PDE5A: variants seen among roughly 807,000 people sequenced by gnomAD.
PDE5A encodes cGMP-specific 3',5'-cyclic phosphodiesterase.
In PDE5A, 67 loss-of-function variants were observed where a neutral mutation model predicts 110.2. The ratio of observed to expected loss-of-function variants is 0.61; its 90% CI spans 0.50 to 0.75. The LOEUF is 0.75. Ranked by LOEUF, PDE5A falls within the 30% of genes least tolerant of loss-of-function variation. PDE5A has a pLI of 0.00. For synonymous variants in PDE5A, 328 were observed against 351.2 expected, an observed-to-expected ratio of 0.93 and a Z score of 0.74; for missense variants, 862 against 1,045.1, an observed-to-expected ratio of 0.82 and a Z score of 2.42.
chr4:119,605,754 T>C (rs929487350), intron 2 of PDE5A, among the ~76,000 whole-genome samples: 65 of 152,230 alleles, frequency 4.3e-4, no homozygotes, highest in African/African-American at 1.5e-3. Flanking sequence ...CTCTCTATGC[T>C]ATTTATCTAT....
chr4:119,533,372 C>T (rs1430803044), intron 11 of PDE5A, among the ~76,000 whole-genome samples: 2 of 152,126 alleles, frequency 1.3e-5, no homozygotes, highest in African/African-American at 4.8e-5. Flanking sequence ...CACATTACAC[C>T]TTATGGAAGA....
intron 10 of PDE5A, 69 bp downstream of exon 10, chr4:119,542,390 G>T: frequency 7.0e-7 from 1 of 1,424,374 alleles, no homozygotes; most frequent in Non-Finnish European, 9.7e-7. Context: ...CACCATGAGT[G>T]ATTATGAGGG....
chr4:119,501,888 G>A (rs536560905), intron 19 of PDE5A, among the ~76,000 whole-genome samples: 1 of 152,168 alleles, frequency 6.6e-6, no homozygotes, highest in East Asian at 1.9e-4. Context: ...GAGGTTTGGC[G>A]GTTTATCTAT....
chr4:119,556,370 T>C (rs914162635), intron 7 of PDE5A, among the ~76,000 whole-genome samples: 1 of 152,080 alleles, frequency 6.6e-6, no homozygotes, highest in Non-Finnish European at 1.5e-5. Flanking sequence ...AAAATGTGGA[T>C]ATAATGACTG....
At chr4:119,566,636 A>C (rs995622681) in intron 4 of PDE5A, among the ~76,000 whole-genome samples, 3 of 152,206 alleles carry the variant, frequency 2.0e-5, no homozygotes, top group African/African-American at 7.2e-5. Flanking sequence ...GTCTGTGCGC[A>C]AGGCTTATAA....
At chr4:119,516,409 T>C (rs752007174) in intron 14 of PDE5A, among the ~76,000 whole-genome samples, 6 of 152,224 alleles carry the variant, frequency 3.9e-5, no homozygotes, top group Non-Finnish European at 7.3e-5. Flanking sequence ...TAACATAATT[T>C]CACTGCATTA....
At chr4:119,620,543 T>C (rs1310376032) in intron 1 of PDE5A, among the ~76,000 whole-genome samples, 4 of 152,200 alleles carry the variant, frequency 2.6e-5, no homozygotes, top group African/African-American at 9.6e-5. Flanking sequence ...CAGTTGGCTT[T>C]GCAGTTTAGA....
At chr4:119,536,354 A>G (rs1243448239) in intron 11 of PDE5A, among the ~76,000 whole-genome samples, 1 of 152,136 alleles carries the variant, frequency 6.6e-6, no homozygotes, top group Non-Finnish European at 1.5e-5. Context: ...CATTTTAGAA[A>G]TAACTTAACC....
intron 14 of PDE5A, among the ~76,000 whole-genome samples, chr4:119,513,827 G>A (rs908502412): frequency 6.6e-6 from 1 of 152,142 alleles, no homozygotes. Context: ...ATTTTTAGAC[G>A]ACGCAGAAGG....
rs1284064320 is a variant in PDE5A at position 119,525,021 on chromosome 4, TA to T, written c.1779+527del. On this transcript the variant is annotated intron_variant, in intron 12 of 20. Coordinates refer to ENST00000354960, the MANE Select transcript of PDE5A (RefSeq NM_001083.4). The surrounding 1 kb of genome is among the most constrained non-coding windows in gnomAD (Gnocchi z 4.3). ...AGCTTGGCCTCCCATCAGGCCCCTTTATTTCCTCCTTCATTTTCAAAGGAGT... is the reference window on the plus strand; with the variant it reads ...AGCTTGGCCTCCCATCAGGCCCCTTTTTTCCTCCTTCATTTTCAAAGGAGT... Among the ~76,000 whole-genome samples the T allele has an allele frequency of 3.3e-5, 5 of 152,082 alleles. No homozygotes were observed. The highest frequency in any genetic ancestry group is 7.4e-5 in the Non-Finnish European group (5 of 68,002).
chr4:119,583,872 AG>A (rs1456048634), intron 3 of PDE5A, among the ~76,000 whole-genome samples: 19 of 152,222 alleles, frequency 1.2e-4, no homozygotes, highest in African/African-American at 4.3e-4. Context: ...GTGGTAAAGC[AG>A]ATGTGTGGTC....
rs200210551 is a variant in PDE5A, at chr4:119,519,072, C to T, written c.1973G>A (p.Arg658His). 3.1e-6 allele frequency: 5 copies of T among 1,613,568 alleles called. No individual in the cohort carries two copies. The highest frequency in any genetic ancestry group is 1.7e-5 in the Admixed American group (1 of 60,012). ...CTGTATGTAAGAGTTATTCACACCA[C>T]GGTGATCCAAATCGTGGCTTAGTGC... ...IAALSHDLDH[R>H]GVNNSYIQRS... Residue 658 changes from arginine (R) to histidine (H), a missense_variant, in exon 14 of 21, where the codon CGT (arginine) becomes CAT (histidine). Arg to His is a conservative substitution (Grantham distance 29). Transcript: ENST00000354960.
chr4:119,570,533 G>A (rs962598449), intron 3 of PDE5A, among the ~76,000 whole-genome samples: 1 of 152,138 alleles, frequency 6.6e-6, no homozygotes, highest in African/African-American at 2.4e-5. Context: ...GTCCTCACAG[G>A]GTCGAGTGTT....
intron 3 of PDE5A, 59 bp from the exon 4 acceptor site, chr4:119,567,203 T>TCA: frequency 8.0e-7 from 1 of 1,251,418 alleles, no homozygotes; most frequent in Non-Finnish European, 1.2e-6. Flanking sequence ...TTGTAAAAAT[T>TCA]CACCAAAATG....
At chr4:119,557,556 T>G (rs533372634) in intron 7 of PDE5A, among the ~76,000 whole-genome samples, 1 of 152,198 alleles carries the variant, frequency 6.6e-6, no homozygotes, top group African/African-American at 2.4e-5. Context: ...TGGGAGTCAC[T>G]GCAGGTAATG....
At chr4:119,501,090 C>T (rs979449820) in intron 20 of PDE5A, 80 bp downstream of exon 20, 5 of 816,798 alleles carry the variant, frequency 6.1e-6, no homozygotes, top group Admixed American at 4.5e-5. Context: ...ATATAGGCGC[C>T]TAATATTAAT....
intron 9 of PDE5A, 25 bp downstream of exon 9, chr4:119,552,520 TTAGAG>T: frequency 1.2e-6 from 1 of 859,366 alleles, no homozygotes; most frequent in Non-Finnish European, 1.7e-6. Context: ...AAAAATAAGT[TTAGAG>T]TATAGGTTAA....
chr4:119,525,779 A>G lies in PDE5A; in HGVS notation c.1633-84T>C. On this transcript the variant is annotated intron_variant, in intron 11 of 20. Transcript: ENST00000354960. The surrounding 1 kb of genome is among the most constrained non-coding windows in gnomAD (Gnocchi z 4.3). ...AAGGTTTTCTTGTTTTGCTGCAGAG[A>G]AATAGCATATTGTGGCTTTTTTTTC... 7.3e-7 allele frequency: 1 copy of G among 1,374,276 alleles called. No homozygotes were observed. The highest frequency in any genetic ancestry group is 1.0e-6 in the Non-Finnish European group (1 of 1,001,834). 85.1% of individuals were successfully genotyped at this position (1,374,276 alleles called of 1,614,324 possible).
chr4:119,513,582 C>CT (rs1725819116), intron 14 of PDE5A, among the ~76,000 whole-genome samples: 1 of 152,140 alleles, frequency 6.6e-6, no homozygotes, highest in African/African-American at 2.4e-5. Context: ...AAGTTGCCAT[C>CT]TTTTTGCTTT....
Sources: allele counts gnomAD v4.1 joint callset (sites outside exome capture counted in the v4.1 genomes callset), GRCh38; gene constraint gnomAD v4.1.1; non-coding constraint Gnocchi (gnomAD v3.1); transcripts MANE v1.5; gene names NCBI Gene and HGNC (gene_info 2026-07-23, HGNC 2026-07-21).